Variants in PCNX1 observed in about 807,000 individuals in gnomAD.
PCNX1 encodes the protein pecanex 1.
A neutral mutation model predicts 242.2 loss-of-function variants in PCNX1; 78 were observed. The ratio of observed to expected loss-of-function variants is 0.32; its 90% CI spans 0.27 to 0.39. PCNX1 has a LOEUF of 0.39. Ranked by LOEUF, PCNX1 falls within the 10% of genes least tolerant of loss-of-function variation. PCNX1 has a pLI of 1.00. For synonymous variants in PCNX1, 1,024 were observed against 1,032.9 expected, an observed-to-expected ratio of 0.99 and a Z score of 0.17; for missense variants, 2,581 against 2,856.5, an observed-to-expected ratio of 0.90 and a Z score of 2.20.
intron 30 of PCNX1, among the ~76,000 whole-genome samples, chr14:71,094,621 A>G (rs1207261347): frequency 6.6e-6 from 1 of 151,886 alleles, no homozygotes; most frequent in Non-Finnish European, 1.5e-5. Flanking sequence ...ACATGTGCTT[A>G]CTTTTTGGTA....
At chr14:70,915,417 A>T (rs12896855) in intron 1 of PCNX1, among the ~76,000 whole-genome samples, 1 of 152,134 alleles carries the variant, frequency 6.6e-6, no homozygotes, top group Non-Finnish European at 1.5e-5. Flanking sequence ...TGGTAATTCC[A>T]TCACCCCTGT....
intron 1 of PCNX1, among the ~76,000 whole-genome samples, chr14:70,940,333 ATCTC>A (rs1413966319): frequency 1.3e-5 from 2 of 152,082 alleles, no homozygotes; most frequent in African/African-American, 4.8e-5. Context: ...TGGTGACAAA[ATCTC>A]TCAGCATTTG....
At chr14:70,925,413 A>C (rs1243880091) in intron 1 of PCNX1, among the ~76,000 whole-genome samples, 1 of 152,140 alleles carries the variant, frequency 6.6e-6, no homozygotes, top group African/African-American at 2.4e-5. Flanking sequence ...CTAGTGTTTT[A>C]CTGTCAAGCA....
At chr14:71,037,626 C>A (rs922453038) in intron 19 of PCNX1, among the ~76,000 whole-genome samples, 4 of 150,646 alleles carry the variant, frequency 2.7e-5, no homozygotes, top group African/African-American at 9.8e-5. Context: ...GCCTTGCATC[C>A]CAGGGATGAA....
Position 70,990,584 on chromosome 14 carries a change from G to A in PCNX1, c.2444+1885G>A, listed in dbSNP as rs1223287124. Among the ~76,000 whole-genome samples, 4 of 151,386 alleles carry A rather than the reference G, an allele frequency of 2.6e-5. No individual in the cohort carries two copies. The East Asian group carries it at 7.8e-4, about 29-fold the overall frequency. On this transcript the variant is annotated intron_variant, in intron 7 of 35. Transcript: ENST00000304743. ...CATCTCAAAAAAAAAAAAGAACTTC[G>A]TCTTTCATAGATCATGTTCCTAATT...
intron 3 of PCNX1, among the ~76,000 whole-genome samples, chr14:70,963,599 T>C (rs1047498184): frequency 4.6e-5 from 7 of 152,228 alleles, no homozygotes; most frequent in African/African-American, 1.7e-4. Flanking sequence ...TTCTAATATA[T>C]TTTGATAGAA....
chr14:70,943,388 A>C (rs1312437651), intron 1 of PCNX1, among the ~76,000 whole-genome samples: 1 of 152,162 alleles, frequency 6.6e-6, no homozygotes, highest in East Asian at 1.9e-4. Context: ...GACATGAGGA[A>C]CTTATTAGGG....
chr14:70,963,472 A>G (rs1419762960), intron 3 of PCNX1, among the ~76,000 whole-genome samples: 1 of 152,210 alleles, frequency 6.6e-6, no homozygotes, highest in Non-Finnish European at 1.5e-5. Flanking sequence ...ATGAGTAAAT[A>G]GCAGATATAA....
intron 34 of PCNX1, 75 bp downstream of exon 34, chr14:71,109,121 G>A: frequency 8.2e-7 from 1 of 1,221,698 alleles, no homozygotes; most frequent in Non-Finnish European, 1.1e-6. Flanking sequence ...TTGAATGAAG[G>A]ACTGTTGTGA....
At chr14:70,947,458 C>G (rs959410638) in intron 2 of PCNX1, among the ~76,000 whole-genome samples, 1 of 152,162 alleles carries the variant, frequency 6.6e-6, no homozygotes, top group Non-Finnish European at 1.5e-5. Flanking sequence ...TTTGTTAGTT[C>G]CCCAAATTAA....
At chr14:71,104,009 AAACAT>A (rs1317688468) in intron 32 of PCNX1, among the ~76,000 whole-genome samples, 1 of 152,224 alleles carries the variant, frequency 6.6e-6, no homozygotes, top group Non-Finnish European at 1.5e-5. Context: ...GTTAAGAGAA[AAACAT>A]AACATGCAAG....
At chr14:71,052,519 T>C (rs1436583923) in intron 24 of PCNX1, among the ~76,000 whole-genome samples, 3 of 152,204 alleles carry the variant, frequency 2.0e-5, no homozygotes, top group Non-Finnish European at 4.4e-5. Flanking sequence ...AGCCATTTTT[T>C]CCTACTTAAA....
At chr14:70,926,151 GGT>G (rs1221814423) in intron 1 of PCNX1, among the ~76,000 whole-genome samples, 1 of 152,160 alleles carries the variant, frequency 6.6e-6, no homozygotes, top group East Asian at 1.9e-4. Flanking sequence ...ATTTAGTTAT[GGT>G]TCTTGCATAT....
At chr14:71,009,048 G>A (rs897186181) in intron 8 of PCNX1, among the ~76,000 whole-genome samples, 2 of 152,118 alleles carry the variant, frequency 1.3e-5, no homozygotes, top group African/African-American at 4.8e-5. Context: ...TGTAGCAATT[G>A]CTGTTTCTAA....
chr14:71,048,950 G>C (rs1156284381), intron 22 of PCNX1: 1 of 543,082 alleles, frequency 1.8e-6, no homozygotes, highest in Non-Finnish European at 2.3e-6. Context: ...TATCTGTTCA[G>C]TCACTAATTT....
rs375373084 is a variant in PCNX1, at chr14:70,924,828, A to G, written c.153+16825A>G. 3.6e-3 allele frequency among the ~76,000 whole-genome samples: 555 copies of G among 152,170 alleles called. 1 individual carries two copies. The highest frequency in any genetic ancestry group is 0.013 in the African/African-American group (527 of 41,522). Reference sequence around the variant, plus strand: ...GGTCTTGAGCTCCTGGGCTCAAGCAATCCACCCACATCAGCCTCCCAAACT... The same window carrying G: ...GGTCTTGAGCTCCTGGGCTCAAGCAGTCCACCCACATCAGCCTCCCAAACT... On this transcript the variant is annotated intron_variant, in intron 1 of 35. Transcript: ENST00000304743.
At chr14:71,097,249 A>G (rs1332420545) in intron 30 of PCNX1, among the ~76,000 whole-genome samples, 1 of 152,084 alleles carries the variant, frequency 6.6e-6, no homozygotes, top group Non-Finnish European at 1.5e-5. Flanking sequence ...CATCTTTGCT[A>G]TTGTTGATAG....
At chr14:70,998,381 A>G (rs1006268600) in intron 8 of PCNX1, among the ~76,000 whole-genome samples, 2 of 152,288 alleles carry the variant, frequency 1.3e-5, no homozygotes, top group African/African-American at 4.8e-5. Context: ...AAGTACTTGT[A>G]TCATCTGTAT....
chr14:70,997,458 A>G (rs1189726100), intron 8 of PCNX1, among the ~76,000 whole-genome samples: 2 of 152,184 alleles, frequency 1.3e-5, no homozygotes, highest in African/African-American at 4.8e-5. Flanking sequence ...GCAAGCTTTA[A>G]TGATAAAGTC....
Sources: allele counts gnomAD v4.1 joint callset (sites outside exome capture counted in the v4.1 genomes callset), GRCh38; gene constraint gnomAD v4.1.1; transcripts MANE v1.5; gene names NCBI Gene and HGNC (gene_info 2026-07-23, HGNC 2026-07-21).